ANKDD1A: variants seen among roughly 807,000 people sequenced by gnomAD.
ANKDD1A encodes the protein ankyrin repeat and death domain containing 1A.
Under a neutral mutation model 63.5 loss-of-function variants are expected in ANKDD1A, and 59 were observed. The ratio of observed to expected loss-of-function variants is 0.93; its 90% CI spans 0.75 to 1.15. The LOEUF is 1.15. Ranked by LOEUF, ANKDD1A falls within the 50% of genes most tolerant of loss-of-function variation. ANKDD1A has a pLI of 0.00. For synonymous variants in ANKDD1A, 266 were observed against 263.9 expected (o/e 1.01, Z -0.08); for missense variants, 632 against 656.4 (o/e 0.96, Z 0.41).
rs775760949 is a variant in ANKDD1A at position 64,949,870 on chromosome 15, C to T, written c.1381C>T (p.Arg461Ter). The T allele has an allele frequency of 5.1e-5, 82 of 1,603,920 alleles. No individual in the cohort carries two copies. Among genetic ancestry groups the T allele is most frequent in the Non-Finnish European group, 6.8e-5 (80 of 1,179,940 alleles). ...GTRSYQEHGH[R>*]MLLIWLHGVA... ...CAGGAGCTATCAGGAGCACGGCCAC[C>T]GAATGCTGCTCATTTGGCTGCATGG... Residue 461 changes from arginine to a stop codon, truncating the protein, a stop_gained, in exon 14 of 15, where the codon CGA becomes TGA. Transcript: ENST00000319580. LOFTEE classifies it high-confidence loss of function.
intron 3 of ANKDD1A, among the ~76,000 whole-genome samples, chr15:64,921,317 T>A (rs569899397): frequency 6.6e-6 from 1 of 152,352 alleles, no homozygotes; most frequent in East Asian, 1.9e-4. Flanking sequence ...TTACAAATTT[T>A]TTCTTTTAAA....
At chr15:64,918,066 T>C in intron 3 of ANKDD1A, among the ~76,000 whole-genome samples, 1 of 152,314 alleles carries the variant, frequency 6.6e-6, no homozygotes, top group Admixed American at 6.5e-5. Context: ...TGTCTACATT[T>C]AAATTAAAAA....
At chr15:64,928,982 C>T (rs774276700) in intron 6 of ANKDD1A, among the ~76,000 whole-genome samples, 3 of 152,168 alleles carry the variant, frequency 2.0e-5, no homozygotes, top group African/African-American at 4.8e-5. Flanking sequence ...ATGTGTTGGC[C>T]CTTCATGGTT....
chr15:64,933,701 G>A (rs1036649822), intron 8 of ANKDD1A, among the ~76,000 whole-genome samples: 3 of 152,170 alleles, frequency 2.0e-5, no homozygotes, highest in Non-Finnish European at 4.4e-5. Context: ...AATTAGCTGG[G>A]CGTAGTGGCA....
chr15:64,958,516 T>G lies in ANKDD1A; in HGVS notation c.*1328T>G, dbSNP rs998850444. 1 of 152,144 alleles carries G rather than the reference T, an allele frequency of 6.6e-6. No homozygotes were observed. Among genetic ancestry groups the G allele is most frequent in the Admixed American group, 6.6e-5 (1 of 15,266 alleles). The allele number at this position is 152,144 out of a possible 1,614,324, so 9.4% of individuals were successfully genotyped here. ...GTGAAAAAAAACAAAAGTAAAGTTA[T>G]AAAAGGAAAAGAAAACAGAGGCTTT... On this transcript the variant is annotated 3_prime_UTR_variant, in exon 15 of 15. Transcript: ENST00000319580.
intron 2 of ANKDD1A, among the ~76,000 whole-genome samples, chr15:64,916,330 CTTTTTTT>C (rs1040956905): frequency 6.4e-4 from 90 of 140,120 alleles, no homozygotes; most frequent in Non-Finnish European, 1.3e-3. Flanking sequence ...GGCTTTTTTT[CTTTTTTT>C]TTTTTTTTGA....
intron 6 of ANKDD1A, among the ~76,000 whole-genome samples, chr15:64,927,602 C>CTTTTT (rs5813333): frequency 2.3e-5 from 3 of 130,646 alleles, no homozygotes; most frequent in Admixed American, 7.5e-5. Context: ...AGCAAATTCC[C>CTTTTT]TTTTTTTTTT....
chr15:64,954,100 TTTTCTTCTTCCTTTCTTTTCTCC>T (rs1370244772), intron 14 of ANKDD1A, among the ~76,000 whole-genome samples: 67 of 148,572 alleles, frequency 4.5e-4, no homozygotes, highest in Non-Finnish European at 8.7e-4. Context: ...CTCCTCCCTC[TTTTCTTCTTCCTTTCTTTTCTCC>T]TTTCTTCTTC....
At chr15:64,932,383 T>C (rs1234746391) in intron 8 of ANKDD1A, 1 of 152,214 alleles carries the variant, frequency 6.6e-6, no homozygotes, top group Non-Finnish European at 1.5e-5. Flanking sequence ...ACTCCAGAGC[T>C]CCCACCCACT....
rs188998377 is a variant in ANKDD1A, at chr15:64,949,788, A to G, written c.1352-53A>G. Reference sequence around the variant, plus strand: ...GTGGCATAGACAGGCGCTCTGGTCAAGTGGCCCCATTGGCTCCTTCTCCCT... The same window carrying G: ...GTGGCATAGACAGGCGCTCTGGTCAGGTGGCCCCATTGGCTCCTTCTCCCT... On this transcript the variant is annotated intron_variant, in intron 13 of 14. Transcript: ENST00000319580. 2.5e-6 allele frequency: 4 copies of G among 1,588,728 alleles called. No homozygotes were observed. The East Asian group carries it at 6.7e-5, about 27-fold the overall frequency.
chr15:64,923,344 GT>G (rs763681984), intron 4 of ANKDD1A, among the ~76,000 whole-genome samples: 4 of 152,124 alleles, frequency 2.6e-5, no homozygotes, highest in Non-Finnish European at 4.4e-5. Context: ...CCAATTTAGA[GT>G]TCTGACCTCT....
At chr15:64,915,680 C>A (rs922087028) in intron 1 of ANKDD1A, 117 bp from the exon 2 acceptor site, 1 of 826,778 alleles carries the variant, frequency 1.2e-6, no homozygotes, top group Non-Finnish European at 2.0e-6. Flanking sequence ...GCCCCTGTTC[C>A]TAGCTGAAAG....
At chr15:64,941,499 T>C (rs1323028945) in intron 9 of ANKDD1A, among the ~76,000 whole-genome samples, 1 of 152,226 alleles carries the variant, frequency 6.6e-6, no homozygotes, top group African/African-American at 2.4e-5. Flanking sequence ...TGTGTAACTA[T>C]ACAATTACAT....
chr15:64,944,492 T>A (rs374604789), intron 11 of ANKDD1A, among the ~76,000 whole-genome samples, 160 bp from the exon 12 acceptor site: 2 of 152,226 alleles, frequency 1.3e-5, no homozygotes, highest in East Asian at 3.9e-4. Flanking sequence ...GACTTTTCCA[T>A]ATCCCCTTCA....
chr15:64,951,513 TTCC>T (rs1263984354), intron 14 of ANKDD1A: 30 of 148,684 alleles, frequency 2.0e-4, no homozygotes, highest in Non-Finnish European at 3.1e-4. Context: ...CTCTTCCTTC[TTCC>T]TGTTTTCTTC....
intron 14 of ANKDD1A, among the ~76,000 whole-genome samples, chr15:64,953,982 A>T (rs1296972380): frequency 5.1e-3 from 152 of 29,814 alleles, no homozygotes; most frequent in Admixed American, 0.012. Context: ...TTCTTCCTCT[A>T]TCTTCTTCCT....
intron 6 of ANKDD1A, 58 bp from the exon 7 acceptor site, chr15:64,930,764 G>T: frequency 3.9e-6 from 6 of 1,521,332 alleles, no homozygotes; most frequent in Non-Finnish European, 5.4e-6. Context: ...CTCATCACAG[G>T]TCTGTGATTC....
intron 14 of ANKDD1A, among the ~76,000 whole-genome samples, chr15:64,953,764 T>C (rs1348788167): frequency 1.5e-4 from 8 of 52,788 alleles, no homozygotes; most frequent in Non-Finnish European, 2.7e-4. Flanking sequence ...TTCGTTCTTC[T>C]TCCTCTTCCC....
At chr15:64,928,237 T>C (rs1418800226) in intron 6 of ANKDD1A, among the ~76,000 whole-genome samples, 1 of 152,260 alleles carries the variant, frequency 6.6e-6, no homozygotes, top group Non-Finnish European at 1.5e-5. Flanking sequence ...TGGACCCCCT[T>C]GGGTTCTGCA....
Sources: gnomAD v4.1 joint callset for allele counts (sites outside exome capture counted in the v4.1 genomes callset) on GRCh38, gnomAD v4.1.1 for gene constraint, MANE v1.5 for transcripts, NCBI Gene and HGNC (gene_info 2026-07-23, HGNC 2026-07-21) for gene names.